Variants in LPP observed in about 807,000 individuals in gnomAD.
The protein encoded by LPP is LIM domain containing preferred translocation partner in lipoma.
Under a neutral mutation model 60.4 loss-of-function variants are expected in LPP, and 38 were observed. The observed-to-expected ratio is 0.63, with a 90% CI of 0.49 to 0.83. The LOEUF (loss-of-function observed/expected upper bound fraction) is 0.83, where lower values mean the gene tolerates loss of function less well. Among genes scored for constraint, LPP ranks in the 40% least tolerant of loss-of-function variants. LPP has a pLI of 0.00. For synonymous variants in LPP, 328 were observed against 290.8 expected (o/e 1.13, Z -1.30); for missense variants, 902 against 783.6 (o/e 1.15, Z -1.80).
chr3:188,738,827 T>C (rs1282480063), intron 8 of LPP, among the ~76,000 whole-genome samples: 1 of 152,186 alleles, frequency 6.6e-6, no homozygotes, highest in Non-Finnish European at 1.5e-5. Context: ...GATGCACCTT[T>C]CAACTCTTAC....
intron 4 of LPP, among the ~76,000 whole-genome samples, chr3:188,444,740 G>C (rs1260106517): frequency 6.6e-6 from 1 of 151,722 alleles, no homozygotes; most frequent in Non-Finnish European, 1.5e-5. Context: ...GTCCATCTGA[G>C]AAAGGGCTAA....
At position 188,186,362 on chromosome 3, in the gene LPP, A is replaced by T. The variant is rs1214701334; in HGVS notation, c.-190+32110A>T. ...AGAGTGTTGAAAATTTTATAGGAGG[A>T]TGCTAGGAGAGAGTTAAAGAGCTTG... On this transcript the variant is annotated intron_variant, in intron 1 of 11. Transcript: ENST00000617246. 2.6e-5 allele frequency among the ~76,000 whole-genome samples: 4 copies of T among 152,306 alleles called. No homozygotes were observed. The East Asian group carries it at 5.8e-4, about 22-fold the overall frequency.
At chr3:188,726,852 A>G (rs558453087) in intron 8 of LPP, among the ~76,000 whole-genome samples, 1 of 152,336 alleles carries the variant, frequency 6.6e-6, no homozygotes, top group East Asian at 1.9e-4. Flanking sequence ...AGGAAAAACA[A>G]AAGAAAACAG....
At chr3:188,725,935 A>G (rs1163007548) in intron 8 of LPP, among the ~76,000 whole-genome samples, 2 of 152,180 alleles carry the variant, frequency 1.3e-5, no homozygotes, top group Non-Finnish European at 2.9e-5. Context: ...GGACAAAGGT[A>G]TAGAGACCAA....
At chr3:188,865,212 A>G (rs1157086951) in intron 9 of LPP, among the ~76,000 whole-genome samples, 1 of 152,230 alleles carries the variant, frequency 6.6e-6, no homozygotes, top group Non-Finnish European at 1.5e-5. Context: ...CAGGATGGAA[A>G]GTTAACAGCC....
chr3:188,263,194 C>T (rs959971391), intron 2 of LPP, among the ~76,000 whole-genome samples: 1 of 152,092 alleles, frequency 6.6e-6, no homozygotes, highest in Non-Finnish European at 1.5e-5. Flanking sequence ...TGAGTGTACA[C>T]AGAAAAATTA....
intron 6 of LPP, among the ~76,000 whole-genome samples, chr3:188,554,274 A>T (rs1828940681): frequency 6.6e-6 from 1 of 152,116 alleles, no homozygotes; most frequent in South Asian, 2.1e-4. Context: ...TCTATCCCCT[A>T]CTTTATGTGT....
intron 3 of LPP, among the ~76,000 whole-genome samples, chr3:188,347,888 A>C (rs1456437515): frequency 6.6e-6 from 1 of 152,244 alleles, no homozygotes; most frequent in East Asian, 1.9e-4. Flanking sequence ...AGACTTACTA[A>C]AATTCACACA....
rs190061434 is a variant in LPP at position 188,627,891 on chromosome 3, A to G, written c.1113+18047A>G. 6.4e-4 allele frequency among the ~76,000 whole-genome samples: 97 copies of G among 152,308 alleles called. No homozygotes were observed. In the East Asian group the frequency reaches 7.5e-3, roughly 12 times the overall value. On this transcript the variant is annotated intron_variant, in intron 7 of 11. Transcript: ENST00000617246. ...TAAAGCAATTCTCAAAGAATTCAAA[A>G]TAACTGACATCATACCAACCACATT...
chr3:188,153,516 CT>C (rs1715113544), upstream of LPP: 1 of 152,450 alleles, frequency 6.6e-6, no homozygotes, highest in Non-Finnish European at 1.5e-5. Context: ...CAGGAGCCCC[CT>C]GACGCGGCCG....
chr3:188,286,169 C>G (rs115618600), intron 2 of LPP, among the ~76,000 whole-genome samples: 253 of 152,258 alleles, frequency 1.7e-3, no homozygotes, highest in African/African-American at 5.9e-3. Flanking sequence ...CCTGATTTGT[C>G]CATGCCTGGG....
chr3:188,830,470 G>A (rs1756860877), intron 9 of LPP, among the ~76,000 whole-genome samples: 1 of 151,944 alleles, frequency 6.6e-6, no homozygotes, highest in South Asian at 2.1e-4. Context: ...GCCAGGTGTG[G>A]TGGCACGTGA....
intron 6 of LPP, among the ~76,000 whole-genome samples, chr3:188,535,612 G>A (rs921990636): frequency 3.9e-5 from 6 of 152,090 alleles, no homozygotes; most frequent in African/African-American, 9.7e-5. Context: ...AAGTGTGGCC[G>A]AAGTGAATAT....
Position 188,890,083 on chromosome 3 carries a change from T to G in LPP, c.*15604T>G. 9.3e-6 allele frequency: 2 copies of G among 214,346 alleles called. No homozygotes were observed. The highest frequency in any genetic ancestry group is 9.4e-6 in the Non-Finnish European group (1 of 106,102). The allele number at this position is 214,346 out of a possible 1,614,324, so 13.3% of individuals were successfully genotyped here. A position where few individuals can be genotyped will look rare whatever the true frequency, so the allele number is the denominator to read the frequency against. ...ATTATGACCATGGAAGATAGTCTTA[T>G]GTAAAGGTTAAATGGTGTTTACAAG... On this transcript the variant is annotated 3_prime_UTR_variant, in exon 12 of 12. Coordinates refer to ENST00000617246, the MANE Select transcript of LPP (RefSeq NM_001375462.1).
intron 8 of LPP, chr3:188,746,711 A>C: frequency 3.1e-6 from 1 of 327,360 alleles, no homozygotes; most frequent in East Asian, 6.3e-5. Context: ...AAAGCTCTTG[A>C]CTTATCTCAC....
chr3:188,643,159 A>T (rs1353059791), intron 7 of LPP, among the ~76,000 whole-genome samples: 2 of 152,218 alleles, frequency 1.3e-5, no homozygotes, highest in Admixed American at 1.3e-4. Flanking sequence ...AATATTCATT[A>T]TTCTAGCCCA....
At position 188,798,630 on chromosome 3, in the gene LPP, A is replaced by G. The variant is rs151008963; in HGVS notation, c.1410+38348A>G. On this transcript the variant is annotated intron_variant, in intron 9 of 11. Transcript: ENST00000617246. ...TGTACCTCTTATCGTATGGGGTACA[A>G]TGGCTTTCGGTACTGCTCAGTGAGG... 1.4e-3 allele frequency among the ~76,000 whole-genome samples: 220 copies of G among 152,296 alleles called. 3 individuals carry two copies. In the Middle Eastern group the frequency reaches 0.024, roughly 16 times the overall value.
intron 8 of LPP, among the ~76,000 whole-genome samples, chr3:188,743,985 A>G (rs953381212): frequency 3.9e-5 from 6 of 152,124 alleles, no homozygotes; most frequent in Non-Finnish European, 2.9e-5. Flanking sequence ...TTTGCATTGT[A>G]GTAGAAATTG....
intron 5 of LPP, among the ~76,000 whole-genome samples, chr3:188,517,667 C>T (rs567163657): frequency 2.7e-4 from 41 of 152,104 alleles, no homozygotes; most frequent in South Asian, 2.5e-3. Context: ...TCTTACATGG[C>T]GGTGGTAAGA....
Sources: allele counts gnomAD v4.1 joint callset (sites outside exome capture counted in the v4.1 genomes callset), GRCh38; gene constraint gnomAD v4.1.1; transcripts MANE v1.5; gene names NCBI Gene and HGNC (gene_info 2026-07-23, HGNC 2026-07-21).